SLC7A8: variants seen among roughly 807,000 people sequenced by gnomAD.
SLC7A8 encodes the protein large neutral amino acids transporter small subunit 2.
Under a neutral mutation model 51.2 loss-of-function variants are expected in SLC7A8, and 30 were observed. That is an observed-to-expected ratio of 0.59 (90% CI 0.44 to 0.80). SLC7A8 has a LOEUF of 0.80. SLC7A8 is among the 30% of genes least tolerant of loss of function. The pLI is 0.00. For missense variants in SLC7A8, 612 were observed against 674.4 expected (o/e 0.91, Z 1.03); for synonymous variants, 257 against 275.8 (o/e 0.93, Z 0.67).
intron 1 of SLC7A8, among the ~76,000 whole-genome samples, chr14:23,168,129 A>T (rs1290407150): frequency 6.6e-6 from 1 of 152,242 alleles, no homozygotes; most frequent in Admixed American, 6.5e-5. Flanking sequence ...GATAATAATT[A>T]TCAGGCAAAG....
chr14:23,172,788 A>G (rs1467660505), intron 1 of SLC7A8, among the ~76,000 whole-genome samples: 1 of 152,244 alleles, frequency 6.6e-6, no homozygotes, highest in East Asian at 1.9e-4. Flanking sequence ...TACAATAGAC[A>G]GGATAGCTTC....
chr14:23,181,929 G>A (rs1314163607), intron 1 of SLC7A8, among the ~76,000 whole-genome samples: 2 of 152,224 alleles, frequency 1.3e-5, no homozygotes, highest in South Asian at 4.1e-4. Context: ...CAGGGGGTTT[G>A]AGTGGCCTGC....
At chr14:23,169,768 GA>G (rs1296299664) in intron 1 of SLC7A8, among the ~76,000 whole-genome samples, 2 of 152,136 alleles carry the variant, frequency 1.3e-5, no homozygotes, top group African/African-American at 4.8e-5. Context: ...TTTCAAGTGG[GA>G]AAAATGACGG....
Position 23,128,973 on chromosome 14 carries a change from T to G in SLC7A8, c.1263+677A>C, listed in dbSNP as rs866487815. Among the ~76,000 whole-genome samples, 2 of 152,228 alleles carry G rather than the reference T, an allele frequency of 1.3e-5. No individual in the cohort carries two copies. Among genetic ancestry groups the G allele is most frequent in the Non-Finnish European group, 2.9e-5 (2 of 68,044 alleles). ...GGATCTTCTAGAAGCATCTAGTCAC[T>G]GTTTCTAGAATAGGATTGTTCAAAT... On this transcript the variant is annotated intron_variant, in intron 9 of 10. Coordinates refer to ENST00000316902, the MANE Select transcript of SLC7A8 (RefSeq NM_012244.4). The surrounding 1 kb of genome is among the most constrained non-coding windows in gnomAD (Gnocchi z 4.3).
Position 23,165,580 on chromosome 14 carries a change from C to CCCAG in SLC7A8, c.357-148_357-145dup. Reference sequence around the variant, plus strand: ...TCTGCCCCCACCCACAAATGAGACACCCAGCCCTCTGCAGTGACAATAAAA... The same window carrying CCCAG: ...TCTGCCCCCACCCACAAATGAGACACCCAGCCAGCCCTCTGCAGTGACAATAAAA... On this transcript the variant is annotated intron_variant, in intron 2 of 10. Transcript: ENST00000316902. This position sits in a 1 kb window ranked among gnomAD's most constrained non-coding sequence, Gnocchi z 4.2. The CCCAG allele has an allele frequency of 1.3e-6, 1 of 741,370 alleles. No individual in the cohort carries two copies. The highest frequency in any genetic ancestry group is 2.1e-6 in the Non-Finnish European group (1 of 480,754). The allele number at this position is 741,370 out of a possible 1,614,324, so 45.9% of individuals were successfully genotyped here. A position where few individuals can be genotyped will look rare whatever the true frequency, so the allele number is the denominator to read the frequency against.
intron 9 of SLC7A8, chr14:23,129,224 C>T (rs553204001): frequency 3.0e-5 from 5 of 166,284 alleles, no homozygotes; most frequent in Admixed American, 1.2e-4. Flanking sequence ...GTACTTGAGG[C>T]GCATTTGGAA....
Position 23,128,325 on chromosome 14 carries a change from C to A in SLC7A8, c.1264-129G>T. On this transcript the variant is annotated intron_variant, in intron 9 of 10. Coordinates refer to ENST00000316902, the MANE Select transcript of SLC7A8 (RefSeq NM_012244.4). The surrounding 1 kb of genome is among the most constrained non-coding windows in gnomAD (Gnocchi z 4.3). ...TCAAGGGCAAAGGCTGGGCTTCCCT[C>A]GGCTCTGTGGTCCCACACTCACCCC... The A allele has an allele frequency of 1.9e-6, 3 of 1,544,036 alleles. No individual in the cohort carries two copies. The highest frequency in any genetic ancestry group is 2.6e-6 in the Non-Finnish European group (3 of 1,147,822).
At chr14:23,169,263 T>G (rs1449992341) in intron 1 of SLC7A8, among the ~76,000 whole-genome samples, 7 of 152,018 alleles carry the variant, frequency 4.6e-5, no homozygotes. Flanking sequence ...GAGGCTGAGG[T>G]GGGAGGACTG....
intron 1 of SLC7A8, among the ~76,000 whole-genome samples, chr14:23,180,893 G>T (rs930167395): frequency 5.3e-5 from 8 of 152,174 alleles, no homozygotes; most frequent in Non-Finnish European, 1.2e-4. Context: ...AGGGCGTGGT[G>T]GTGGGCGCCT....
At chr14:23,158,049 T>C (rs1472643682) in intron 3 of SLC7A8, among the ~76,000 whole-genome samples, 2 of 152,168 alleles carry the variant, frequency 1.3e-5, no homozygotes, top group Non-Finnish European at 2.9e-5. Context: ...GTGGGTGTAG[T>C]ATAATATGTG....
At chr14:23,179,470 T>G (rs1413206909) in intron 1 of SLC7A8, among the ~76,000 whole-genome samples, 3 of 150,532 alleles carry the variant, frequency 2.0e-5, no homozygotes, top group African/African-American at 4.9e-5. Context: ...ATGAGAGAGA[T>G]AGATTTAGGG....
chr14:23,149,352 C>T (rs1477029539), intron 3 of SLC7A8, among the ~76,000 whole-genome samples: 1 of 152,192 alleles, frequency 6.6e-6, no homozygotes, highest in South Asian at 2.1e-4. Context: ...CCCCCAGTCT[C>T]CCCTGTATTC....
At chr14:23,181,528 G>A (rs1363707375) in intron 1 of SLC7A8, among the ~76,000 whole-genome samples, 1 of 152,034 alleles carries the variant, frequency 6.6e-6, no homozygotes, top group African/African-American at 2.4e-5. Context: ...AGGTGAAGAG[G>A]ATTATCTGAA....
chr14:23,174,888 T>A (rs1291845219), intron 1 of SLC7A8, among the ~76,000 whole-genome samples: 1 of 152,164 alleles, frequency 6.6e-6, no homozygotes, highest in Non-Finnish European at 1.5e-5. Flanking sequence ...GCCCCCTGGG[T>A]TCCTGAATGG....
At chr14:23,134,274 A>C (rs1469291693) in intron 7 of SLC7A8, among the ~76,000 whole-genome samples, 1 of 151,806 alleles carries the variant, frequency 6.6e-6, no homozygotes, top group East Asian at 1.9e-4. Flanking sequence ...CTGTCTCTAC[A>C]AAAAATACAA....
rs1201371313 is a variant in SLC7A8 at position 23,131,999 on chromosome 14, ATTTTTTT to A, written c.1017-449_1017-443del. 2.1e-3 allele frequency among the ~76,000 whole-genome samples: 207 copies of A among 98,174 alleles called. 2 individuals carry two copies. The highest frequency in any genetic ancestry group is 7.1e-3 in the African/African-American group (183 of 25,804). The allele number at this position is 98,174 out of a possible 152,430, so 64.4% of individuals were successfully genotyped here. A position where few individuals can be genotyped will look rare whatever the true frequency, so the allele number is the denominator to read the frequency against. ...ATATGGAAAGCTTTAAAAACACTCT[ATTTTTTT>A]TTTTTTTTTTTTTTTTGAGATGGAG... On this transcript the variant is annotated intron_variant, in intron 7 of 10. Transcript: ENST00000316902.
At chr14:23,137,789 T>C in intron 7 of SLC7A8, 132 bp downstream of exon 7, 1 of 1,126,692 alleles carries the variant, frequency 8.9e-7, no homozygotes, top group East Asian at 2.4e-5. Flanking sequence ...ATGTGAGCAG[T>C]CACCCCTCTG....
At chr14:23,157,648 T>C (rs74036926) in intron 3 of SLC7A8, among the ~76,000 whole-genome samples, 29,396 of 152,164 alleles carry the variant, frequency 0.19, 3,030 homozygotes, top group African/African-American at 0.25. Context: ...CCTCAGACCT[T>C]GACACATGTT....
At chr14:23,129,374 T>G in intron 9 of SLC7A8, 3 of 346,812 alleles carry the variant, frequency 8.7e-6, no homozygotes, top group East Asian at 5.4e-5. Context: ...TCAGCTGGAG[T>G]TTAAGGCTTA....
Sources: allele counts gnomAD v4.1 joint callset (sites outside exome capture counted in the v4.1 genomes callset), GRCh38; gene constraint gnomAD v4.1.1; non-coding constraint Gnocchi (gnomAD v3.1); transcripts MANE v1.5; gene names NCBI Gene and HGNC (gene_info 2026-07-23, HGNC 2026-07-21).